The following DAAM2 variants were observed in gnomAD, a reference collection of about 807,000 sequenced individuals.
DAAM2 encodes the protein disheveled-associated activator of morphogenesis 2.
A neutral mutation model predicts 120.7 loss-of-function variants in DAAM2; 39 were observed. The ratio of observed to expected loss-of-function variants is 0.32; its 90% CI spans 0.25 to 0.42. The LOEUF (loss-of-function observed/expected upper bound fraction) is 0.42, where lower values mean the gene tolerates loss of function less well. Among genes scored for constraint, DAAM2 ranks in the 10% least tolerant of loss-of-function variants. The probability of loss-of-function intolerance (pLI) is 1.00; values close to 1 mark genes in which losing one functional copy is unlikely to be tolerated. For missense variants in DAAM2, 1,283 were observed against 1,401.7 expected (o/e 0.92, Z 1.35); for synonymous variants, 488 against 524.9 (o/e 0.93, Z 0.96).
chr6:39,808,830 G>T, intron 1 of DAAM2, among the ~76,000 whole-genome samples: 1 of 152,226 alleles, frequency 6.6e-6, no homozygotes, highest in Non-Finnish European at 1.5e-5. Context: ...GGGGACTAAA[G>T]TTGGGGGTGG....
chr6:39,832,094 T>C (rs1762935804), intron 1 of DAAM2, among the ~76,000 whole-genome samples: 1 of 141,910 alleles, frequency 7.0e-6, no homozygotes, highest in Admixed American at 7.0e-5. Context: ...GGGGAACAGG[T>C]GTACTGGGGG....
chr6:39,829,202 G>T (rs1234426932), intron 1 of DAAM2, among the ~76,000 whole-genome samples: 1 of 152,246 alleles, frequency 6.6e-6, no homozygotes, highest in Non-Finnish European at 1.5e-5. Context: ...GATGGCAGGG[G>T]CCTGGGGAGC....
intron 3 of DAAM2, chr6:39,862,781 G>A (rs2149296661): frequency 8.8e-6 from 1 of 113,780 alleles, no homozygotes; most frequent in South Asian, 3.2e-4. Flanking sequence ...CTCCAGCCTG[G>A]GCAACAAGAG....
chr6:39,864,290 G>A (rs1258838089), intron 3 of DAAM2, 143 bp from the exon 4 acceptor site: 5 of 621,746 alleles, frequency 8.0e-6, no homozygotes, highest in African/African-American at 1.8e-5. Flanking sequence ...GGAAGCCTGG[G>A]GGAGAGTGTA....
intron 2 of DAAM2, among the ~76,000 whole-genome samples, chr6:39,857,706 G>C (rs1485137536): frequency 6.6e-6 from 1 of 152,276 alleles, no homozygotes; most frequent in East Asian, 1.9e-4. Flanking sequence ...CCCTTGCATG[G>C]CACTTTAGCA....
At chr6:39,838,591 G>A (rs1317708656) in intron 1 of DAAM2, among the ~76,000 whole-genome samples, 1 of 152,176 alleles carries the variant, frequency 6.6e-6, no homozygotes, top group Admixed American at 6.5e-5. Flanking sequence ...TCAGAGCCCA[G>A]AAGAGTGACC....
At chr6:39,831,451 G>A (rs751203814) in intron 1 of DAAM2, among the ~76,000 whole-genome samples, 7 of 152,018 alleles carry the variant, frequency 4.6e-5, no homozygotes, top group Non-Finnish European at 8.8e-5. Context: ...CACAATCTTT[G>A]AGGCAGATTA....
chr6:39,850,204 A>G (rs571991359), intron 1 of DAAM2, among the ~76,000 whole-genome samples: 7 of 152,260 alleles, frequency 4.6e-5, no homozygotes, highest in South Asian at 4.1e-4. Flanking sequence ...GGGCTCACAC[A>G]TGCTGTGCTC....
chr6:39,887,332 A>G (rs1562055300), intron 15 of DAAM2, 154 bp from the exon 16 acceptor site: 7 of 577,200 alleles, frequency 1.2e-5, no homozygotes, highest in South Asian at 2.1e-5. Flanking sequence ...AAAGTTAGCT[A>G]TTATCCACCC....
chr6:39,807,244 A>G (rs540006610), intron 1 of DAAM2, among the ~76,000 whole-genome samples: 1 of 152,220 alleles, frequency 6.6e-6, no homozygotes, highest in African/African-American at 2.4e-5. Flanking sequence ...GTGACATATA[A>G]TCTCAGAAAC....
chr6:39,858,557 G>A (rs1329296921), intron 2 of DAAM2, among the ~76,000 whole-genome samples: 1 of 152,078 alleles, frequency 6.6e-6, no homozygotes, highest in Non-Finnish European at 1.5e-5. Context: ...CAAGTTGAGG[G>A]GGCTGGGATG....
intron 1 of DAAM2, among the ~76,000 whole-genome samples, chr6:39,824,741 C>A (rs540896041): frequency 1.3e-5 from 2 of 152,236 alleles, no homozygotes; most frequent in African/African-American, 4.8e-5. Context: ...GCCTTCTCGG[C>A]AAGAGCAGGT....
In DAAM2 at chr6:39,795,348, A is replaced by G. The variant is rs147853721; in HGVS notation, c.-57+2883A>G. Among the ~76,000 whole-genome samples the G allele has an allele frequency of 5.8e-3, 880 of 152,314 alleles. 6 individuals are homozygous for G. The highest frequency in any genetic ancestry group is 0.02 in the African/African-American group (837 of 41,562). On this transcript the variant is annotated intron_variant, in intron 1 of 24. Coordinates refer to ENST00000274867, the MANE Select transcript of DAAM2 (RefSeq NM_001201427.2). The stretch of plus-strand genomic sequence containing the variant: ...CTCTGTCAAGGATCCTGTGTCATTC[A>G]GCCCTAGACTTCAGAGGCAGCCCGA...
chr6:39,872,061 A>G (rs914765482), intron 9 of DAAM2, among the ~76,000 whole-genome samples: 4 of 151,454 alleles, frequency 2.6e-5, no homozygotes, highest in Non-Finnish European at 4.4e-5. Flanking sequence ...TCCAGACCCT[A>G]AGCTGATTGG....
rs578193974 is a variant in DAAM2, at chr6:39,831,792, C to T, written c.-56-24455C>T. On this transcript the variant is annotated intron_variant, in intron 1 of 24. Coordinates refer to ENST00000274867, the MANE Select transcript of DAAM2 (RefSeq NM_001201427.2). ...GGCAGGTGTACTGAGGGGGCAGGTG[C>T]ACTGGGGGGGGGCAGGTGCAGTGCA... Among the ~76,000 whole-genome samples, 245 of 42,962 alleles carry T rather than the reference C, an allele frequency of 5.7e-3. 4 individuals carry two copies. The highest frequency in any genetic ancestry group is 0.032 in the African/African-American group (203 of 6,376). 28.2% of individuals were successfully genotyped at this position (42,962 alleles called of 152,430 possible).
At chr6:39,814,142 A>T (rs575191790) in intron 1 of DAAM2, among the ~76,000 whole-genome samples, 8 of 150,908 alleles carry the variant, frequency 5.3e-5, no homozygotes, top group Admixed American at 2.0e-4. Context: ...ATGTTATGAG[A>T]TTTTTGCAAG....
At chr6:39,870,877 TG>T (rs1764633759) in intron 8 of DAAM2, among the ~76,000 whole-genome samples, 2 of 152,230 alleles carry the variant, frequency 1.3e-5, no homozygotes, top group Admixed American at 1.3e-4. Flanking sequence ...GGCACAATTA[TG>T]TTCCCATGTG....
chr6:39,902,056 CAG>C lies in DAAM2; in HGVS notation c.*20_*21del. 6.3e-7 allele frequency: 1 copy of C among 1,579,204 alleles called. No individual in the cohort carries two copies. Among genetic ancestry groups the C allele is most frequent in the Non-Finnish European group, 8.6e-7 (1 of 1,156,344 alleles). ...TTATTGACCTGGGGAACTAGCCACACAGGAGGCCGGGAGACAGGGACTGGTGA... is the reference window on the plus strand; with the variant it reads ...TTATTGACCTGGGGAACTAGCCACACGAGGCCGGGAGACAGGGACTGGTGA... On this transcript the variant is annotated 3_prime_UTR_variant, in exon 25 of 25. Coordinates refer to ENST00000274867, the MANE Select transcript of DAAM2 (RefSeq NM_001201427.2).
intron 10 of DAAM2, among the ~76,000 whole-genome samples, chr6:39,874,719 A>G (rs78224445): frequency 0.041 from 6,312 of 152,284 alleles, 278 homozygotes; most frequent in East Asian, 0.17. Flanking sequence ...CCAGATGACT[A>G]TCATTAGAGG....
Sources: gnomAD v4.1 joint callset for allele counts (sites outside exome capture counted in the v4.1 genomes callset) on GRCh38, gnomAD v4.1.1 for gene constraint, MANE v1.5 for transcripts, NCBI Gene and HGNC (gene_info 2026-07-23, HGNC 2026-07-21) for gene names.